The following ENKUR variants were observed in gnomAD, a reference collection of about 807,000 sequenced individuals.
ENKUR encodes the protein enkurin, TRPC channel interacting protein.
ENKUR carries 19 observed loss-of-function variants against 27.6 expected under a neutral mutation model. That is an observed-to-expected ratio of 0.69 (90% CI 0.48 to 1.01). The LOEUF is 1.01. Ranked by LOEUF, ENKUR falls within the 50% of genes least tolerant of loss-of-function variation. The pLI is 0.00. For missense variants in ENKUR, 312 were observed against 310.5 expected (o/e 1.00, Z -0.04); for synonymous variants, 117 against 96.9 (o/e 1.21, Z -1.22).
At chr10:25,014,434 A>C (rs184886670) in intron 1 of ENKUR, among the ~76,000 whole-genome samples, 1 of 152,332 alleles carries the variant, frequency 6.6e-6, no homozygotes, top group Admixed American at 6.5e-5. Context: ...CACCAAGAAC[A>C]GATATACTAG....
Position 25,023,098 on chromosome 10 carries a change from T to C in ENKUR, c.38-27229A>G, listed in dbSNP as rs868432384. The C allele has an allele frequency of 7.2e-5, 63 of 877,934 alleles. No homozygotes were observed. The African/African-American group carries it at 8.0e-4, about 11-fold the overall frequency. 54.4% of individuals were successfully genotyped at this position (877,934 alleles called of 1,614,324 possible). The stretch of plus-strand genomic sequence containing the variant: ...ATGGGCATGGTTATATTCAGTCCTA[T>C]TGGGATTTTAACAATCTACTGTAAT... On this transcript the variant is annotated intron_variant, in intron 2 of 5. Coordinates refer to the ENKUR transcript ENST00000615958.
intron 2 of ENKUR, chr10:25,023,615 T>G: frequency 1.9e-6 from 3 of 1,614,172 alleles, no homozygotes; most frequent in Non-Finnish European, 2.5e-6. Flanking sequence ...GTGATTTCCC[T>G]TACTGGGTCC....
chr10:25,047,457 CAAGTA>C (rs1385211178), intron 2 of ENKUR, among the ~76,000 whole-genome samples: 1 of 152,182 alleles, frequency 6.6e-6, no homozygotes, highest in Non-Finnish European at 1.5e-5. Flanking sequence ...GAAGAGCTAA[CAAGTA>C]AAGTGGAATA....
chr10:25,060,963 C>G lies in ENKUR; in HGVS notation c.37+149G>C, dbSNP rs1851319500. On this transcript the variant is annotated intron_variant, in intron 2 of 5. Coordinates refer to the ENKUR transcript ENST00000615958. Reference sequence around the variant, plus strand: ...TTCTGATCTTAAGTGATCCTCCCACCTCAGCCTCCCAAAGTGTTGGGACTA... The same window carrying G: ...TTCTGATCTTAAGTGATCCTCCCACGTCAGCCTCCCAAAGTGTTGGGACTA... 9.1e-6 allele frequency: 6 copies of G among 658,738 alleles called. No homozygotes were observed. In the South Asian group the frequency reaches 1.2e-4, roughly 13 times the overall value. The allele number at this position is 658,738 out of a possible 1,614,324, so 40.8% of individuals were successfully genotyped here.
intron 2 of ENKUR, among the ~76,000 whole-genome samples, chr10:25,046,260 A>G (rs1851120731): frequency 6.6e-6 from 1 of 152,360 alleles, no homozygotes; most frequent in African/African-American, 2.4e-5. Flanking sequence ...AAAATGAGCT[A>G]TTAAATGCTA....
At chr10:25,013,363 C>T (rs972738055) in intron 1 of ENKUR, among the ~76,000 whole-genome samples, 1 of 152,176 alleles carries the variant, frequency 6.6e-6, no homozygotes, top group Non-Finnish European at 1.5e-5. Context: ...AAACTATCTC[C>T]ATAGATTAAT....
rs1461277936 is a variant in ENKUR at position 24,984,827 on chromosome 10, T to C, written c.673A>G (p.Ile225Val). 1 of 1,613,874 alleles carries C rather than the reference T, an allele frequency of 6.2e-7. No homozygotes were observed. The highest frequency in any genetic ancestry group is 2.2e-5 in the East Asian group (1 of 44,860). Residue 225 changes from isoleucine (I) to valine (V), a missense_variant, in exon 5 of 6, where the codon ATC becomes GTC. Transcript: ENST00000331161. ...TCTTCTTCCAGCCTCTGCTTGCGGA[T>C]CTTCTTTGGTATAGAATCTATAAAG... Reference protein sequence around the residue: ...SVFIDSIPKKIRKQRLEEEMK... With the variant: ...SVFIDSIPKKVRKQRLEEEMK...
chr10:25,002,113 T>A (rs952552388), intron 1 of ENKUR, among the ~76,000 whole-genome samples: 5 of 152,186 alleles, frequency 3.3e-5, no homozygotes, highest in East Asian at 3.8e-4. Flanking sequence ...CTATTTCTAA[T>A]TTGGCCCCAC....
intron 1 of ENKUR, among the ~76,000 whole-genome samples, chr10:25,006,689 G>A (rs1850320934): frequency 6.6e-6 from 1 of 152,246 alleles, no homozygotes; most frequent in South Asian, 2.1e-4. Flanking sequence ...ACACGAAATA[G>A]TATCTGATAT....
chr10:25,033,811 ATGTG>A (rs1236786592), intron 2 of ENKUR, among the ~76,000 whole-genome samples: 3 of 147,890 alleles, frequency 2.0e-5, no homozygotes, highest in East Asian at 2.0e-4. Context: ...GTATGTATGT[ATGTG>A]TGTGTGTGTG....
At chr10:24,999,125 A>T (rs538413811) in intron 2 of ENKUR, among the ~76,000 whole-genome samples, 25 of 152,330 alleles carry the variant, frequency 1.6e-4, no homozygotes, top group Admixed American at 1.1e-3. Context: ...GTTGTTTATA[A>T]TTGAAGCCCC....
At chr10:25,030,321 C>T (rs1240012859) in intron 2 of ENKUR, among the ~76,000 whole-genome samples, 1 of 152,168 alleles carries the variant, frequency 6.6e-6, no homozygotes, top group African/African-American at 2.4e-5. Flanking sequence ...GCTTGTCTAA[C>T]AATGTCTTTA....
intron 2 of ENKUR, among the ~76,000 whole-genome samples, chr10:25,028,461 T>G (rs748252051): frequency 3.9e-5 from 6 of 152,180 alleles, no homozygotes; most frequent in Non-Finnish European, 7.4e-5. Flanking sequence ...TTGGATCCTA[T>G]TCCCTTCAAC....
chr10:24,997,410 A>G (rs1850088772), intron 2 of ENKUR, among the ~76,000 whole-genome samples: 1 of 145,754 alleles, frequency 6.9e-6, no homozygotes, highest in African/African-American at 2.6e-5. Flanking sequence ...TTTTTGAGAC[A>G]GGGTCTCCCT....
At chr10:25,023,424 G>C (rs1850765359) in intron 2 of ENKUR, 1 of 1,614,116 alleles carries the variant, frequency 6.2e-7, no homozygotes, top group African/African-American at 1.3e-5. Flanking sequence ...CTGGTGCTGG[G>C]AAAACAACAG....
intron 2 of ENKUR, among the ~76,000 whole-genome samples, chr10:25,029,837 AAT>A (rs1164530621): frequency 6.6e-6 from 1 of 152,244 alleles, no homozygotes; most frequent in Non-Finnish European, 1.5e-5. Flanking sequence ...CAAGCAACTA[AAT>A]CACCATAACT....
At chr10:25,032,316 G>GT (rs982628993) in intron 2 of ENKUR, among the ~76,000 whole-genome samples, 1 of 148,284 alleles carries the variant, frequency 6.7e-6, no homozygotes, top group African/African-American at 2.5e-5. Flanking sequence ...AGTAAAGAAG[G>GT]GGGGGGGGCT....
At chr10:25,024,164 T>C in intron 2 of ENKUR, 1 of 1,614,186 alleles carries the variant, frequency 6.2e-7, no homozygotes, top group Non-Finnish European at 8.5e-7. Flanking sequence ...GGAGAAATGA[T>C]TGAAACTGCT....
intron 1 of ENKUR, among the ~76,000 whole-genome samples, chr10:25,004,731 G>T (rs1214575855): frequency 6.6e-6 from 1 of 152,068 alleles, no homozygotes; most frequent in Non-Finnish European, 1.5e-5. Flanking sequence ...TCTGTTGATG[G>T]TTTCTTTTCC....
Sources: allele counts gnomAD v4.1 joint callset (sites outside exome capture counted in the v4.1 genomes callset), GRCh38; gene constraint gnomAD v4.1.1; transcripts MANE v1.5; gene names NCBI Gene and HGNC (gene_info 2026-07-23, HGNC 2026-07-21).